The following SPHKAP variants were observed in gnomAD, a reference collection of about 807,000 sequenced individuals.
SPHKAP encodes SPHK1 interactor, AKAP domain containing, also known as A-kinase anchor protein SPHKAP.
SPHKAP carries 67 observed loss-of-function variants against 137.5 expected under a neutral mutation model. The observed-to-expected ratio is 0.49, with a 90% confidence interval of 0.40 to 0.60. The LOEUF (loss-of-function observed/expected upper bound fraction) is 0.60. Among genes scored for constraint, SPHKAP ranks in the 20% least tolerant of loss-of-function variants. SPHKAP has a pLI of 0.00. For missense variants in SPHKAP, 2,097 were observed against 2,069.3 expected, an observed-to-expected ratio of 1.01 and a Z score of -0.26; for synonymous variants, 813 against 785.3, an observed-to-expected ratio of 1.04 and a Z score of -0.59.
intron 2 of SPHKAP, among the ~76,000 whole-genome samples, chr2:228,126,042 T>C (rs960259991): frequency 2.6e-5 from 4 of 151,988 alleles, no homozygotes; most frequent in African/African-American, 9.7e-5. Flanking sequence ...ATCACGCAAC[T>C]GCACACCAGC....
At chr2:228,044,758 T>G (rs1695973239) in intron 3 of SPHKAP, among the ~76,000 whole-genome samples, 1 of 152,170 alleles carries the variant, frequency 6.6e-6, no homozygotes, top group Non-Finnish European at 1.5e-5. Context: ...TTTGTTTCCT[T>G]TGACAATGAT....
At chr2:228,068,371 A>G (rs1696896359) in intron 3 of SPHKAP, among the ~76,000 whole-genome samples, 1 of 152,154 alleles carries the variant, frequency 6.6e-6, no homozygotes, top group Admixed American at 6.5e-5. Context: ...ATAGAAAAAA[A>G]AAACAACACC....
chr2:227,999,462 G>C (rs750619010), intron 7 of SPHKAP, among the ~76,000 whole-genome samples: 1 of 152,146 alleles, frequency 6.6e-6, no homozygotes, highest in Non-Finnish European at 1.5e-5. Context: ...CAGATACAAA[G>C]GAGAAGATTC....
intron 1 of SPHKAP, among the ~76,000 whole-genome samples, chr2:228,159,994 C>A (rs1490511452): frequency 1.3e-5 from 2 of 152,200 alleles, no homozygotes; most frequent in African/African-American, 4.8e-5. Flanking sequence ...TCAAGGGAAC[C>A]TGACATTCCC....
intron 7 of SPHKAP, among the ~76,000 whole-genome samples, chr2:228,004,095 G>A (rs147031740): frequency 6.6e-6 from 1 of 152,062 alleles, no homozygotes; most frequent in Non-Finnish European, 1.5e-5. Flanking sequence ...TAGGGAGGAT[G>A]CCCTCTTTTT....
chr2:228,037,782 G>A (rs1373743115), intron 3 of SPHKAP, among the ~76,000 whole-genome samples: 4 of 152,178 alleles, frequency 2.6e-5, no homozygotes, highest in Non-Finnish European at 5.9e-5. Flanking sequence ...ACATTGATAG[G>A]CCCTGTCCCA....
chr2:228,017,551 G>A lies in SPHKAP; in HGVS notation c.3303C>T (p.Gly1101=), dbSNP rs1694655486. 6.2e-7 allele frequency: 1 copy of A among 1,613,352 alleles called. No homozygotes were observed. The highest frequency in any genetic ancestry group is 8.5e-7 in the Non-Finnish European group (1 of 1,179,870). The change falls in exon 7 of 12, where the codon GGC becomes GGT. Residue 1101 remains glycine (G), a synonymous_variant. Coordinates refer to ENST00000392056, the MANE Select transcript of SPHKAP (RefSeq NM_001142644.2). ...SEARAYVNSL[G]LMSTLSQPVS... Reference sequence around the variant, plus strand: ...CCGGCTGGCTCAGCGTGCTCATTAAGCCCAGGCTGTTGACATAGGCCCTGG... The same window carrying A: ...CCGGCTGGCTCAGCGTGCTCATTAAACCCAGGCTGTTGACATAGGCCCTGG...
intron 3 of SPHKAP, among the ~76,000 whole-genome samples, chr2:228,061,059 G>T (rs1032035326): frequency 6.6e-6 from 1 of 152,010 alleles, no homozygotes; most frequent in Admixed American, 6.6e-5. Context: ...ACTCCATTTC[G>T]ATATGTGTGC....
At chr2:228,092,271 A>C (rs1697788714) in intron 3 of SPHKAP, among the ~76,000 whole-genome samples, 1 of 144,780 alleles carries the variant, frequency 6.9e-6, no homozygotes, top group Admixed American at 6.8e-5. Flanking sequence ...ACGTACACAC[A>C]CACGTGTATG....
rs58091970 is a variant in SPHKAP at position 228,055,142 on chromosome 2, C to CAAAA, written c.247-27603_247-27600dup. On this transcript the variant is annotated intron_variant, in intron 3 of 11. Coordinates refer to ENST00000392056, the MANE Select transcript of SPHKAP (RefSeq NM_001142644.2). ...GGGCAAAAAGAGTGAAACTCCACTC[C>CAAAA]AAAAAAAAAAAAAAAAAGTGGTTTG... is the stretch of plus-strand genomic sequence containing the variant. Among the ~76,000 whole-genome samples, 25 of 61,322 alleles carry CAAAA rather than the reference C, an allele frequency of 4.1e-4. 1 individual carries two copies. Among genetic ancestry groups the CAAAA allele is most frequent in the African/African-American group, 1.3e-3 (23 of 17,660 alleles). 40.2% of individuals were successfully genotyped at this position (61,322 alleles called of 152,430 possible).
rs530245164 is a variant in SPHKAP at position 228,092,200 on chromosome 2, CAT to C, written c.246+16630_246+16631del. On this transcript the variant is annotated intron_variant, in intron 3 of 11. Coordinates refer to ENST00000392056, the MANE Select transcript of SPHKAP (RefSeq NM_001142644.2). ...ACATGTGTGTACATGCATACACATG[CAT>C]ACACACATATATACACACATATATA... Among the ~76,000 whole-genome samples, 256 of 128,408 alleles carry C rather than the reference CAT, an allele frequency of 2.0e-3. 1 individual carries two copies. The highest frequency in any genetic ancestry group is 6.6e-3 in the African/African-American group (241 of 36,458). 84.2% of individuals were successfully genotyped at this position (128,408 alleles called of 152,430 possible).
intron 7 of SPHKAP, among the ~76,000 whole-genome samples, chr2:228,011,960 G>A (rs991311439): frequency 3.9e-5 from 6 of 151,978 alleles, no homozygotes; most frequent in African/African-American, 1.4e-4. Context: ...GAGCCCAGGA[G>A]TCTGAGACCA....
At chr2:228,154,293 C>A (rs1403913440) in intron 1 of SPHKAP, among the ~76,000 whole-genome samples, 1 of 150,790 alleles carries the variant, frequency 6.6e-6, no homozygotes, top group African/African-American at 2.4e-5. Context: ...AGTATGTGAG[C>A]CAAATCAACA....
chr2:228,155,104 A>G (rs181675955), intron 1 of SPHKAP, among the ~76,000 whole-genome samples: 5 of 152,222 alleles, frequency 3.3e-5, no homozygotes, highest in Admixed American at 6.5e-5. Context: ...TCCTAGCTGT[A>G]CCTTTGCCCA....
At chr2:228,083,326 T>G (rs1697423687) in intron 3 of SPHKAP, among the ~76,000 whole-genome samples, 2 of 152,210 alleles carry the variant, frequency 1.3e-5, no homozygotes, top group Admixed American at 1.3e-4. Flanking sequence ...TGTTCCTATT[T>G]CTCCACAGAC....
rs750884508 is a variant in SPHKAP at position 227,990,991 on chromosome 2, A to G, written c.4959+9T>C. The stretch of plus-strand genomic sequence containing the variant: ...AGCTTTCTTGTTTTCCAAACCTGGT[A>G]CATGATACCTTTTCAATTCTGTTTT... On this transcript the variant is annotated intron_variant, in intron 11 of 11. Coordinates refer to ENST00000392056, the MANE Select transcript of SPHKAP (RefSeq NM_001142644.2). The G allele has an allele frequency of 6.2e-7, 1 of 1,612,992 alleles. No homozygotes were observed. The highest frequency in any genetic ancestry group is 8.5e-7 in the Non-Finnish European group (1 of 1,179,204).
At chr2:228,083,504 A>G (rs962623986) in intron 3 of SPHKAP, among the ~76,000 whole-genome samples, 2 of 152,146 alleles carry the variant, frequency 1.3e-5, no homozygotes, top group African/African-American at 4.8e-5. Context: ...GTGTCTGTTC[A>G]TATCCTTTGC....
At chr2:228,120,954 G>C (rs1191055737) in intron 2 of SPHKAP, among the ~76,000 whole-genome samples, 2 of 152,176 alleles carry the variant, frequency 1.3e-5, no homozygotes, top group African/African-American at 4.8e-5. Flanking sequence ...TTGTTATTTA[G>C]AGTCAGCATA....
At chr2:228,090,009 A>G (rs533015628) in intron 3 of SPHKAP, among the ~76,000 whole-genome samples, 5 of 152,306 alleles carry the variant, frequency 3.3e-5, no homozygotes, top group African/African-American at 1.2e-4. Flanking sequence ...AGTCCCCACC[A>G]AGGAACTGCC....
Sources: allele counts gnomAD v4.1 joint callset (sites outside exome capture counted in the v4.1 genomes callset), GRCh38; gene constraint gnomAD v4.1.1; transcripts MANE v1.5; gene names NCBI Gene and HGNC (gene_info 2026-07-23, HGNC 2026-07-21).